CNTNAP2: variants seen among roughly 807,000 people sequenced by gnomAD.
CNTNAP2 encodes the protein contactin associated protein 2, also known as contactin-associated protein-like 2.
Under a neutral mutation model 155.2 loss-of-function variants are expected in CNTNAP2, and 98 were observed. That is an observed-to-expected ratio of 0.63 (90% CI 0.54 to 0.75). CNTNAP2 has a LOEUF of 0.75. CNTNAP2 is among the 30% of genes least tolerant of loss of function. The pLI is 0.00. For synonymous variants in CNTNAP2, 651 were observed against 631.2 expected (o/e 1.03, Z -0.47); for missense variants, 1,727 against 1,688.1 (o/e 1.02, Z -0.40).
At chr7:146,790,865 G>A (rs112772386) in intron 2 of CNTNAP2, among the ~76,000 whole-genome samples, 4,308 of 151,924 alleles carry the variant, frequency 0.028, 102 homozygotes, top group Middle Eastern at 0.095. Flanking sequence ...CACCACGCCT[G>A]GCCGATTTGG....
intron 8 of CNTNAP2, among the ~76,000 whole-genome samples, chr7:147,179,924 T>C (rs1802420897): frequency 6.6e-6 from 1 of 152,086 alleles, no homozygotes; most frequent in Non-Finnish European, 1.5e-5. Context: ...CTGCCCCAGG[T>C]TGTGACAAAA....
chr7:146,844,101 G>A (rs934955067), intron 3 of CNTNAP2, among the ~76,000 whole-genome samples: 8 of 151,890 alleles, frequency 5.3e-5, no homozygotes, highest in Non-Finnish European at 1.2e-4. Flanking sequence ...TGGACATTCC[G>A]AGTTATTTTA....
chr7:146,407,970 A>G (rs1795816104), intron 1 of CNTNAP2, among the ~76,000 whole-genome samples: 1 of 152,172 alleles, frequency 6.6e-6, no homozygotes, highest in South Asian at 2.1e-4. Context: ...ATAATGCAGT[A>G]CCTCATACTT....
At chr7:147,293,385 T>G (rs923498060) in intron 8 of CNTNAP2, among the ~76,000 whole-genome samples, 3 of 152,182 alleles carry the variant, frequency 2.0e-5, no homozygotes, top group African/African-American at 4.8e-5. Flanking sequence ...TATGGAATTT[T>G]TATAGATAAG....
chr7:146,651,208 CAG>C (rs1799905607), intron 1 of CNTNAP2, among the ~76,000 whole-genome samples: 1 of 151,990 alleles, frequency 6.6e-6, no homozygotes, highest in African/African-American at 2.4e-5. Context: ...GCTTAGTGGA[CAG>C]ACAGTATTTT....
rs77986783 is a variant in CNTNAP2 at position 147,422,658 on chromosome 7, A to C, written c.1670+26878A>C. Among the ~76,000 whole-genome samples the C allele has an allele frequency of 6.8e-3, 1,031 of 152,248 alleles. 11 individuals carry two copies. Among genetic ancestry groups the C allele is most frequent in the African/African-American group, 0.023 (968 of 41,540 alleles). ...AATACTGATACCATCTAAGCAGAAA[A>C]TAGTCACAGATAATTAACTAAACTT... On this transcript the variant is annotated intron_variant, in intron 10 of 23. Coordinates refer to ENST00000361727, the MANE Select transcript of CNTNAP2 (RefSeq NM_014141.6).
At chr7:146,603,076 G>A (rs1798976115) in intron 1 of CNTNAP2, among the ~76,000 whole-genome samples, 1 of 151,516 alleles carries the variant, frequency 6.6e-6, no homozygotes, top group African/African-American at 2.4e-5. Flanking sequence ...AAATGTACAA[G>A]TAAATCTAAT....
At chr7:148,318,253 C>T (rs935712885) in intron 21 of CNTNAP2, among the ~76,000 whole-genome samples, 4 of 152,160 alleles carry the variant, frequency 2.6e-5, no homozygotes, top group Non-Finnish European at 5.9e-5. Context: ...TCCATCAAAC[C>T]GCCCCCTGCA....
intron 14 of CNTNAP2, among the ~76,000 whole-genome samples, chr7:147,972,063 G>A (rs1056524989): frequency 1.3e-5 from 2 of 152,172 alleles, no homozygotes; most frequent in African/African-American, 2.4e-5. Flanking sequence ...GTGTGAAGTA[G>A]CATCTCAATG....
intron 8 of CNTNAP2, among the ~76,000 whole-genome samples, chr7:147,251,794 C>T (rs1330670870): frequency 6.6e-6 from 1 of 152,144 alleles, no homozygotes; most frequent in East Asian, 1.9e-4. Flanking sequence ...ACTATTTCTG[C>T]CCATAGTAGT....
chr7:146,186,876 A>C (rs1013477788), intron 1 of CNTNAP2, among the ~76,000 whole-genome samples: 1 of 152,138 alleles, frequency 6.6e-6, no homozygotes, highest in Non-Finnish European at 1.5e-5. Flanking sequence ...TTTACATTTT[A>C]AGAATGCATA....
At chr7:146,592,183 G>C (rs977921630) in intron 1 of CNTNAP2, among the ~76,000 whole-genome samples, 2 of 152,132 alleles carry the variant, frequency 1.3e-5, no homozygotes, top group African/African-American at 4.8e-5. Context: ...CTGTGGCTTG[G>C]TAGCCTCCCA....
intron 1 of CNTNAP2, among the ~76,000 whole-genome samples, chr7:146,228,737 C>G (rs1047881800): frequency 3.3e-5 from 5 of 152,082 alleles, no homozygotes; most frequent in African/African-American, 1.2e-4. Flanking sequence ...TTGCTCTATT[C>G]TATAAATAAT....
intron 1 of CNTNAP2, among the ~76,000 whole-genome samples, chr7:146,612,505 C>G (rs1459465970): frequency 6.6e-6 from 1 of 151,430 alleles, no homozygotes; most frequent in Admixed American, 6.6e-5. Flanking sequence ...TTCAGGAAAT[C>G]AAGCCAGAGA....
chr7:147,895,351 C>T (rs1463580703), intron 13 of CNTNAP2, among the ~76,000 whole-genome samples: 1 of 152,096 alleles, frequency 6.6e-6, no homozygotes, highest in East Asian at 1.9e-4. Context: ...CCAGTTTAAT[C>T]ATCCACACCA....
At chr7:148,414,661 C>T (rs535805281) in intron 23 of CNTNAP2, 1 of 152,322 alleles carries the variant, frequency 6.6e-6, no homozygotes, top group Admixed American at 6.5e-5. Context: ...TTATTTTTCT[C>T]TGCAGCTTGA....
In CNTNAP2 at chr7:147,154,687, T is replaced by A. The variant is rs994246069; in HGVS notation, c.1348+22178T>A. Among the ~76,000 whole-genome samples the A allele has an allele frequency of 1.4e-4, 21 of 151,922 alleles. 1 individual carries two copies. The highest frequency in any genetic ancestry group is 4.3e-4 in the African/African-American group (18 of 41,440). ...GCACATAGCACACCAAAATGGAGAG[T>A]TCTGTTTTAAACTGCCACCCCCTAA... On this transcript the variant is annotated intron_variant, in intron 8 of 23. Transcript: ENST00000361727.
chr7:147,122,822 C>T (rs1219851457), intron 6 of CNTNAP2: 1 of 152,138 alleles, frequency 6.6e-6, no homozygotes, highest in African/African-American at 2.4e-5. Context: ...TGTTCCTTGG[C>T]ACCCAGTTCT....
At chr7:148,080,955 G>A (rs151001651) in intron 15 of CNTNAP2, among the ~76,000 whole-genome samples, 7 of 152,192 alleles carry the variant, frequency 4.6e-5, no homozygotes, top group South Asian at 2.1e-4. Flanking sequence ...TGTTAGAGAC[G>A]GGGAGGAAAG....
Sources: allele counts gnomAD v4.1 joint callset (sites outside exome capture counted in the v4.1 genomes callset), GRCh38; gene constraint gnomAD v4.1.1; transcripts MANE v1.5; gene names NCBI Gene and HGNC (gene_info 2026-07-23, HGNC 2026-07-21).